Variants in NCAM2 observed in about 807,000 individuals in gnomAD.
NCAM2 encodes neural cell adhesion molecule 2, also known as N-CAM-2.
A neutral mutation model predicts 98.1 loss-of-function variants in NCAM2; 30 were observed. That is an observed-to-expected ratio of 0.31 (90% CI 0.23 to 0.41). NCAM2 has a LOEUF of 0.41. Ranked by LOEUF, NCAM2 falls within the 10% of genes least tolerant of loss-of-function variation. The pLI, the probability that NCAM2 is intolerant of heterozygous loss-of-function variation, is 1.00. For synonymous variants in NCAM2, 368 were observed against 342.4 expected, an observed-to-expected ratio of 1.07 and a Z score of -0.83; for missense variants, 867 against 1,005.8, an observed-to-expected ratio of 0.86 and a Z score of 1.87.
intron 5 of NCAM2, among the ~76,000 whole-genome samples, chr21:21,318,912 A>G (rs1307977949): frequency 6.6e-6 from 1 of 152,180 alleles, no homozygotes; most frequent in Non-Finnish European, 1.5e-5. Context: ...GAAACAGAAT[A>G]CAGAAGCAGG....
At chr21:21,011,113 T>G (rs2064201569) in intron 1 of NCAM2, among the ~76,000 whole-genome samples, 1 of 151,860 alleles carries the variant, frequency 6.6e-6, no homozygotes, top group South Asian at 2.1e-4. Flanking sequence ...TTTGGTGAAT[T>G]AATTGAATGA....
At chr21:21,030,569 T>C (rs2064658986) in intron 1 of NCAM2, among the ~76,000 whole-genome samples, 1 of 152,170 alleles carries the variant, frequency 6.6e-6, no homozygotes, top group South Asian at 2.1e-4. Context: ...CAAAGTCTTT[T>C]TGCCATGTTG....
At chr21:21,420,426 G>GA (rs1386463502) in intron 11 of NCAM2, among the ~76,000 whole-genome samples, 1 of 151,732 alleles carries the variant, frequency 6.6e-6, no homozygotes, top group South Asian at 2.1e-4. Flanking sequence ...AGCTCAAATG[G>GA]AAAAAATGTG....
At chr21:21,366,241 C>A (rs2075782342) in intron 8 of NCAM2, among the ~76,000 whole-genome samples, 1 of 152,012 alleles carries the variant, frequency 6.6e-6, no homozygotes, top group South Asian at 2.1e-4. Context: ...TATTATACGT[C>A]ACATATTGTT....
intron 1 of NCAM2, among the ~76,000 whole-genome samples, chr21:21,069,555 C>G (rs181190522): frequency 3.9e-5 from 6 of 152,068 alleles, no homozygotes; most frequent in Non-Finnish European, 8.8e-5. Flanking sequence ...GTGATGATTC[C>G]CCAACTGTGT....
At chr21:21,147,702 ATACATAT>A (rs1439184944) in intron 1 of NCAM2, among the ~76,000 whole-genome samples, 4 of 135,860 alleles carry the variant, frequency 2.9e-5, no homozygotes, top group South Asian at 2.3e-4. Context: ...CATCAAAAAC[ATACATAT>A]TATATACTAT....
chr21:21,509,402 A>G (rs1258792126), intron 16 of NCAM2, among the ~76,000 whole-genome samples: 1 of 152,192 alleles, frequency 6.6e-6, no homozygotes, highest in African/African-American at 2.4e-5. Context: ...ATATTAAATA[A>G]AAGAAAGGCT....
intron 10 of NCAM2, among the ~76,000 whole-genome samples, chr21:21,417,511 CT>C (rs949945986): frequency 1.3e-5 from 2 of 152,014 alleles, no homozygotes; most frequent in African/African-American, 4.8e-5. Flanking sequence ...ATTTTTCCCT[CT>C]TTTGGGATAG....
At position 21,081,157 on chromosome 21, in the gene NCAM2, A is replaced by G. The variant is rs148863867; in HGVS notation, c.55+82539A>G. On this transcript the variant is annotated intron_variant, in intron 1 of 17. Transcript: ENST00000400546. ...TGCACAGTGTGTTTACTAGAGTTGT[A>G]CGCATGCTCACTTAGGCGTTCTTCC... Among the ~76,000 whole-genome samples the G allele has an allele frequency of 2.2e-3, 342 of 152,212 alleles. 5 individuals carry two copies. Among genetic ancestry groups the G allele is most frequent in the Admixed American group, 0.015 (234 of 15,278 alleles).
At chr21:21,056,265 T>G (rs1268093664) in intron 1 of NCAM2, among the ~76,000 whole-genome samples, 1 of 152,042 alleles carries the variant, frequency 6.6e-6, no homozygotes, top group East Asian at 1.9e-4. Flanking sequence ...TGATTAACAG[T>G]GTGTATTGAA....
chr21:21,431,216 T>G (rs2077336582), intron 11 of NCAM2, among the ~76,000 whole-genome samples: 1 of 151,132 alleles, frequency 6.6e-6, no homozygotes, highest in Non-Finnish European at 1.5e-5. Flanking sequence ...TTATTTCAGA[T>G]GTGATAGGAA....
intron 1 of NCAM2, among the ~76,000 whole-genome samples, chr21:21,073,945 A>G (rs939269643): frequency 2.6e-5 from 4 of 152,196 alleles, no homozygotes; most frequent in African/African-American, 9.6e-5. Context: ...GCAGAGGGTC[A>G]AAAACTTTTC....
chr21:21,041,236 A>G (rs1568957756), intron 1 of NCAM2, among the ~76,000 whole-genome samples: 1 of 152,212 alleles, frequency 6.6e-6, no homozygotes, highest in Non-Finnish European at 1.5e-5. Flanking sequence ...ATTTCTCTGT[A>G]AGAATATTAC....
chr21:21,197,568 A>G (rs1325612455), intron 1 of NCAM2, among the ~76,000 whole-genome samples: 1 of 152,196 alleles, frequency 6.6e-6, no homozygotes, highest in African/African-American at 2.4e-5. Context: ...ATAAAGCCAT[A>G]TGTTAAGAGG....
At chr21:21,205,061 C>T (rs1160408554) in intron 1 of NCAM2, among the ~76,000 whole-genome samples, 3 of 152,052 alleles carry the variant, frequency 2.0e-5, no homozygotes, top group African/African-American at 4.8e-5. Flanking sequence ...TGAACATTCA[C>T]GTGTATATGT....
intron 1 of NCAM2, among the ~76,000 whole-genome samples, chr21:21,206,872 C>T (rs1168867463): frequency 6.6e-6 from 1 of 152,004 alleles, no homozygotes; most frequent in East Asian, 1.9e-4. Flanking sequence ...ATAACATTTA[C>T]AGTTAAATCA....
intron 1 of NCAM2, among the ~76,000 whole-genome samples, chr21:21,045,098 T>C (rs542071751): frequency 1.4e-4 from 22 of 152,186 alleles, no homozygotes; most frequent in Non-Finnish European, 3.2e-4. Flanking sequence ...TGATGTATTT[T>C]ATAGTGCATT....
chr21:21,146,555 ATG>A (rs71195306), intron 1 of NCAM2, among the ~76,000 whole-genome samples: 65,341 of 108,952 alleles, frequency 0.6, 15,881 homozygotes, highest in Non-Finnish European at 0.66. Context: ...GGATATATAT[ATG>A]TATATATATA....
rs574708489 is a variant in NCAM2 at position 21,320,606 on chromosome 21, G to T, written c.620-3777G>T. ...AAATTTTTAAAAAAAGAAAACAGATGGATTTCATTGATGCCTGATATGACT... is the reference window on the plus strand; with the variant it reads ...AAATTTTTAAAAAAAGAAAACAGATTGATTTCATTGATGCCTGATATGACT... On this transcript the variant is annotated intron_variant, in intron 5 of 17. Transcript: ENST00000400546. Among the ~76,000 whole-genome samples, 5 of 152,032 alleles carry T rather than the reference G, an allele frequency of 3.3e-5. No homozygotes were observed. The East Asian group carries it at 9.7e-4, about 29-fold the overall frequency.
Sources: gnomAD v4.1 joint callset for allele counts (sites outside exome capture counted in the v4.1 genomes callset) on GRCh38, gnomAD v4.1.1 for gene constraint, MANE v1.5 for transcripts, NCBI Gene and HGNC (gene_info 2026-07-23, HGNC 2026-07-21) for gene names.